DNAH11: variants seen among roughly 807,000 people sequenced by gnomAD.
DNAH11 encodes axonemal beta dynein heavy chain 11.
DNAH11 carries 442 observed loss-of-function variants against 526.0 expected under a neutral mutation model. The ratio of observed to expected loss-of-function variants is 0.84; its 90% confidence interval spans 0.78 to 0.91. The LOEUF is 0.91. Among genes scored for constraint, DNAH11 ranks in the 40% least tolerant of loss-of-function variants. The probability of loss-of-function intolerance (pLI) is 0.00; values close to 1 mark genes in which losing one functional copy is unlikely to be tolerated. For missense variants in DNAH11, 6,989 were observed against 5,448.7 expected (o/e 1.28, Z -8.90); for synonymous variants, 2,461 against 1,935.9 (o/e 1.27, Z -7.12).
chr7:21,644,920 T>C (rs1787283746), intron 28 of DNAH11, among the ~76,000 whole-genome samples: 1 of 152,254 alleles, frequency 6.6e-6, no homozygotes, highest in Non-Finnish European at 1.5e-5. Flanking sequence ...TTATCCTTGA[T>C]TATCTTCTCA....
At chr7:21,733,587 G>A (rs1039241553) in intron 45 of DNAH11, among the ~76,000 whole-genome samples, 1 of 152,204 alleles carries the variant, frequency 6.6e-6, no homozygotes, top group Non-Finnish European at 1.5e-5. Context: ...TCACAAGATT[G>A]ATGCACCTTA....
At chr7:21,802,022 C>T (rs141986542) in intron 62 of DNAH11, among the ~76,000 whole-genome samples, 439 of 152,258 alleles carry the variant, frequency 2.9e-3, no homozygotes, top group Non-Finnish European at 4.7e-3. Context: ...AATCACTGAA[C>T]GTCTTCAACT....
At chr7:21,900,682 G>A (rs574352267) in intron 81 of DNAH11, among the ~76,000 whole-genome samples, 94 of 152,298 alleles carry the variant, frequency 6.2e-4, no homozygotes, top group Admixed American at 1.6e-3. Context: ...GCGACGGGGA[G>A]GAAATGTGGT....
intron 34 of DNAH11, among the ~76,000 whole-genome samples, chr7:21,690,194 T>C (rs2128474786): frequency 6.6e-6 from 1 of 152,308 alleles, no homozygotes; most frequent in East Asian, 1.9e-4. Flanking sequence ...AATTGGAACA[T>C]AGGATAATTA....
chr7:21,741,376 C>T (rs547738344), intron 48 of DNAH11, among the ~76,000 whole-genome samples: 1 of 152,338 alleles, frequency 6.6e-6, no homozygotes, highest in South Asian at 2.1e-4. Context: ...GTTGCTTTCA[C>T]TTTTGACAAT....
At chr7:21,833,218 T>C (rs1330289465) in intron 65 of DNAH11, among the ~76,000 whole-genome samples, 1 of 152,240 alleles carries the variant, frequency 6.6e-6, no homozygotes, top group Non-Finnish European at 1.5e-5. Flanking sequence ...AGGGAATATA[T>C]GTTAGTGGTT....
intron 61 of DNAH11, among the ~76,000 whole-genome samples, 194 bp downstream of exon 61, chr7:21,789,536 A>G (rs141519956): frequency 6.6e-4 from 101 of 152,210 alleles, no homozygotes; most frequent in South Asian, 1.5e-3. Flanking sequence ...TGAACTGGGA[A>G]AGTGCAAATG....
At position 21,901,031 on chromosome 7, in the gene DNAH11, G is replaced by C; in HGVS notation, c.13328G>C (p.Gly4443Ala). The change falls in exon 82 of 82, where the codon GGA becomes GCA. Residue 4443 changes from glycine (G) to alanine (A), a missense_variant. Physicochemically the swap from Gly to Ala is moderately conservative, Grantham distance 60. Coordinates refer to ENST00000409508, the MANE Select transcript of DNAH11 (RefSeq NM_001277115.2). ...MEGARWDTQAGTIVEARLKEL... is the reference protein window; with the variant it reads ...MEGARWDTQAATIVEARLKEL... Reference sequence around the variant, plus strand: ...GGCGCCCGCTGGGACACCCAAGCAGGAACCATTGTTGAAGCCCGTCTCAAG... The same window carrying C: ...GGCGCCCGCTGGGACACCCAAGCAGCAACCATTGTTGAAGCCCGTCTCAAG... 6.2e-7 allele frequency: 1 copy of C among 1,609,540 alleles called. No individual in the cohort carries two copies. Among genetic ancestry groups the C allele is most frequent in the Non-Finnish European group, 8.5e-7 (1 of 1,177,596 alleles).
chr7:21,757,580 C>T (rs1444159578), intron 54 of DNAH11, among the ~76,000 whole-genome samples: 2 of 152,132 alleles, frequency 1.3e-5, no homozygotes, highest in African/African-American at 4.8e-5. Context: ...TTTCAATCTG[C>T]AGGATGCTTT....
intron 5 of DNAH11, among the ~76,000 whole-genome samples, chr7:21,562,278 G>A (rs1783491895): frequency 6.6e-6 from 1 of 152,138 alleles, no homozygotes; most frequent in African/African-American, 2.4e-5. Flanking sequence ...GCCTTTACCT[G>A]CTGGCTCCAT....
chr7:21,872,838 C>T (rs1481238197), intron 73 of DNAH11, among the ~76,000 whole-genome samples: 1 of 152,200 alleles, frequency 6.6e-6, no homozygotes, highest in African/African-American at 2.4e-5. Context: ...GAAGAGGTTT[C>T]CATCAGAAAC....
chr7:21,632,760 T>A (rs1482915343), intron 25 of DNAH11, among the ~76,000 whole-genome samples: 1 of 152,200 alleles, frequency 6.6e-6, no homozygotes, highest in Non-Finnish European at 1.5e-5. Context: ...CTTTCCCACA[T>A]TTTCCTGTCT....
intron 53 of DNAH11, 151 bp from the exon 54 acceptor site, chr7:21,750,071 G>T: frequency 3.5e-6 from 4 of 1,144,276 alleles, no homozygotes; most frequent in Non-Finnish European, 4.8e-6. Context: ...TGTATGTCTC[G>T]TAAATAAAAA....
At chr7:21,856,041 T>C (rs141712329) in intron 68 of DNAH11, among the ~76,000 whole-genome samples, 239 of 152,184 alleles carry the variant, frequency 1.6e-3, no homozygotes, top group African/African-American at 5.6e-3. Context: ...ATGTGTGAGA[T>C]GAAAGAATTC....
At chr7:21,869,112 A>G (rs1783401908) in intron 73 of DNAH11, 121 bp downstream of exon 73, 10 of 1,399,764 alleles carry the variant, frequency 7.1e-6, no homozygotes, top group South Asian at 2.6e-5. Context: ...GCAGAGTGCA[A>G]GCAGTACTGT....
chr7:21,866,116 C>A (rs1783266268), intron 70 of DNAH11, among the ~76,000 whole-genome samples: 1 of 152,108 alleles, frequency 6.6e-6, no homozygotes, highest in Non-Finnish European at 1.5e-5. Context: ...GGAATGCAGC[C>A]CAGCAAGTCT....
rs1472680257 is a variant in DNAH11, at chr7:21,873,430, A to G, written c.12124A>G (p.Ile4042Val). ...CCCTCAAGGACTCCTGGAAAATTCC[A>G]TTAAGATCACTAATGAACCCCCAAC... The part of the protein sequence containing the change: ...IIPQGLLENS[I>V]KITNEPPTGM... Residue 4042 changes from isoleucine to valine, a missense_variant, in exon 74 of 82, where the codon ATT becomes GTT. Ile to Val is a conservative substitution (Grantham distance 29). Coordinates refer to ENST00000409508, the MANE Select transcript of DNAH11 (RefSeq NM_001277115.2). 6 of 1,613,866 alleles carry G rather than the reference A, an allele frequency of 3.7e-6. No homozygotes were observed. In the Admixed American group the frequency reaches 6.7e-5, roughly 18 times the overall value.
intron 28 of DNAH11, among the ~76,000 whole-genome samples, chr7:21,642,134 A>G (rs1375474412): frequency 6.6e-6 from 1 of 152,202 alleles, no homozygotes; most frequent in East Asian, 1.9e-4. Flanking sequence ...AATTTTGGGA[A>G]AATTTGTATT....
intron 20 of DNAH11, among the ~76,000 whole-genome samples, chr7:21,607,793 C>T (rs1039102030): frequency 1.3e-5 from 2 of 151,794 alleles, no homozygotes; most frequent in African/African-American, 4.8e-5. Context: ...AAAAAAATTG[C>T]TGGGCATGGT....
Sources: allele counts gnomAD v4.1 joint callset (sites outside exome capture counted in the v4.1 genomes callset), GRCh38; gene constraint gnomAD v4.1.1; transcripts MANE v1.5; gene names NCBI Gene and HGNC (gene_info 2026-07-23, HGNC 2026-07-21).